Variants in RGS6 observed in about 807,000 individuals in gnomAD.
RGS6 encodes regulator of G protein signaling 6, also known as regulator of G-protein signaling 6.
Under a neutral mutation model 78.5 loss-of-function variants are expected in RGS6, and 30 were observed. The ratio of observed to expected loss-of-function variants is 0.38; its 90% CI spans 0.29 to 0.52. The LOEUF is 0.52. Ranked by LOEUF, RGS6 falls within the 20% of genes least tolerant of loss-of-function variation. The pLI is 0.85. For missense variants in RGS6, 495 were observed against 609.7 expected (o/e 0.81, Z 1.98); for synonymous variants, 206 against 206.0 (o/e 1.00, Z 0.00).
chr14:71,891,915 C>T, the RGS6 span, among the ~76,000 whole-genome samples: 3 of 152,100 alleles, frequency 2.0e-5, no homozygotes, highest in African/African-American at 7.2e-5. Context: ...CACTTCCTAG[C>T]AGATTTAGCT....
At chr14:72,291,166 G>C (rs776703716) in intron 2 of RGS6, among the ~76,000 whole-genome samples, 20 of 151,838 alleles carry the variant, frequency 1.3e-4, no homozygotes, top group Admixed American at 6.6e-5. Flanking sequence ...CAAGCCCTTA[G>C]ATGGCATTCA....
At chr14:72,179,544 A>G (rs1465784638) in intron 2 of RGS6, among the ~76,000 whole-genome samples, 3 of 152,046 alleles carry the variant, frequency 2.0e-5, no homozygotes, top group Middle Eastern at 3.4e-3. Context: ...TGTCCCTACT[A>G]TATGCAATGT....
chr14:72,331,069 G>A (rs1219959895), intron 2 of RGS6, among the ~76,000 whole-genome samples: 1 of 152,136 alleles, frequency 6.6e-6, no homozygotes, highest in Non-Finnish European at 1.5e-5. Flanking sequence ...AGAGGGATGT[G>A]ACTAAGGCAG....
intron 2 of RGS6, among the ~76,000 whole-genome samples, chr14:72,144,376 C>A (rs80310905): frequency 0.024 from 3,708 of 152,168 alleles, 67 homozygotes; most frequent in Middle Eastern, 0.044. Context: ...GTTTTAAAAC[C>A]CCTTTCCCCC....
the RGS6 span, among the ~76,000 whole-genome samples, chr14:72,609,899 G>A: frequency 6.6e-6 from 1 of 152,192 alleles, no homozygotes; most frequent in Admixed American, 6.5e-5. Context: ...AGCAGCCCAA[G>A]GCAAAACCTC....
intron 2 of RGS6, among the ~76,000 whole-genome samples, chr14:72,269,939 A>G (rs191281514): frequency 2.5e-4 from 38 of 152,324 alleles, no homozygotes; most frequent in Non-Finnish European, 5.6e-4. Context: ...ATTAGAGGAT[A>G]AAAAGTTAAA....
intron 3 of RGS6, among the ~76,000 whole-genome samples, chr14:72,407,791 G>C (rs960419014): frequency 2.0e-5 from 3 of 152,202 alleles, no homozygotes; most frequent in Non-Finnish European, 2.9e-5. Context: ...ATCATCTCAT[G>C]GCCTCTCAAC....
intron 3 of RGS6, among the ~76,000 whole-genome samples, chr14:72,446,330 G>A (rs2095362582): frequency 6.6e-6 from 1 of 152,188 alleles, no homozygotes; most frequent in African/African-American, 2.4e-5. Context: ...TAATATAGAA[G>A]AGGAAACAGA....
intron 12 of RGS6, among the ~76,000 whole-genome samples, chr14:72,491,957 T>C (rs572724584): frequency 5.3e-5 from 8 of 152,284 alleles, no homozygotes; most frequent in Admixed American, 4.6e-4. Flanking sequence ...CTGCAGGAGA[T>C]GGGCAGTTTT....
the RGS6 span, among the ~76,000 whole-genome samples, chr14:71,901,697 A>G: frequency 6.6e-6 from 1 of 151,598 alleles, no homozygotes; most frequent in African/African-American, 2.4e-5. Flanking sequence ...CCCTGTTCCC[A>G]CTCCCATCTC....
At chr14:71,890,052 C>CA in the RGS6 span, among the ~76,000 whole-genome samples, 4 of 152,262 alleles carry the variant, frequency 2.6e-5, no homozygotes, top group East Asian at 7.7e-4. Flanking sequence ...GAGGCCCCCC[C>CA]AGAAGTGGAT....
At chr14:72,288,953 C>G (rs1259934354) in intron 2 of RGS6, among the ~76,000 whole-genome samples, 1 of 152,128 alleles carries the variant, frequency 6.6e-6, no homozygotes, top group Non-Finnish European at 1.5e-5. Context: ...AATGCCAGTA[C>G]CAAGGGGAGT....
chr14:72,108,044 TG>T (rs759460730), intron 2 of RGS6, among the ~76,000 whole-genome samples: 2 of 152,222 alleles, frequency 1.3e-5, no homozygotes, highest in Non-Finnish European at 2.9e-5. Flanking sequence ...ATATATTTGA[TG>T]GTCATCACCA....
chr14:72,519,086 A>T (rs1196987715), intron 15 of RGS6, among the ~76,000 whole-genome samples: 1 of 152,244 alleles, frequency 6.6e-6, no homozygotes, highest in Non-Finnish European at 1.5e-5. Context: ...GAGACAGACA[A>T]GTAAATGGGC....
intron 2 of RGS6, among the ~76,000 whole-genome samples, chr14:72,335,780 A>G (rs2075914478): frequency 6.6e-6 from 1 of 152,194 alleles, no homozygotes; most frequent in African/African-American, 2.4e-5. Flanking sequence ...ATTGGGCCAC[A>G]TGTGGCCTGT....
chr14:71,976,011 T>C (rs2094104374), intron 2 of RGS6, among the ~76,000 whole-genome samples: 2 of 152,134 alleles, frequency 1.3e-5, no homozygotes, highest in African/African-American at 2.4e-5. Context: ...AGTCATCCCA[T>C]TGAATTTGTA....
chr14:72,143,358 G>A (rs2096566221), intron 2 of RGS6, among the ~76,000 whole-genome samples: 1 of 152,010 alleles, frequency 6.6e-6, no homozygotes, highest in Admixed American at 6.5e-5. Flanking sequence ...GGGCAACAGA[G>A]TGAGACTCCA....
At chr14:72,137,032 C>A (rs2096454900) in intron 2 of RGS6, among the ~76,000 whole-genome samples, 1 of 152,056 alleles carries the variant, frequency 6.6e-6, no homozygotes, top group South Asian at 2.1e-4. Flanking sequence ...CTCTATAATC[C>A]CAATCCTATA....
chr14:72,615,396 T>C, the RGS6 span, among the ~76,000 whole-genome samples: 1 of 152,138 alleles, frequency 6.6e-6, no homozygotes, highest in African/African-American at 2.4e-5. Context: ...ATAACAATCA[T>C]CTCATTTTTC....
Sources: allele counts gnomAD v4.1 joint callset (sites outside exome capture counted in the v4.1 genomes callset), GRCh38; gene constraint gnomAD v4.1.1; transcripts MANE v1.5; gene names NCBI Gene and HGNC (gene_info 2026-07-23, HGNC 2026-07-21).